The following STPG2 variants were observed in gnomAD, a reference collection of about 807,000 sequenced individuals.
STPG2 encodes the protein sperm tail PG-rich repeat containing 2, also known as sperm-tail PG-rich repeat-containing protein 2.
Under a neutral mutation model 54.2 loss-of-function variants are expected in STPG2, and 56 were observed. That is an observed-to-expected ratio of 1.03 (90% CI 0.83 to 1.29). STPG2 has a LOEUF of 1.29. STPG2 is among the 50% of genes most tolerant of loss of function. The pLI is 0.00. For missense variants in STPG2, 596 were observed against 544.9 expected, an observed-to-expected ratio of 1.09 and a Z score of -0.93; for synonymous variants, 200 against 181.8, an observed-to-expected ratio of 1.10 and a Z score of -0.81.
chr4:97,863,849 A>G (rs971408124), intron 8 of STPG2, among the ~76,000 whole-genome samples: 2 of 152,056 alleles, frequency 1.3e-5, no homozygotes, highest in African/African-American at 2.4e-5. Context: ...AAGACAAAAA[A>G]CACATGATTA....
intron 8 of STPG2, among the ~76,000 whole-genome samples, chr4:97,886,852 G>A (rs1358658042): frequency 3.3e-5 from 5 of 152,156 alleles, no homozygotes; most frequent in East Asian, 1.9e-4. Flanking sequence ...ACGCTTTAGC[G>A]CCATCCCCTC....
At chr4:97,948,398 G>T (rs912551695) in intron 7 of STPG2, among the ~76,000 whole-genome samples, 1 of 151,672 alleles carries the variant, frequency 6.6e-6, no homozygotes, top group African/African-American at 2.4e-5. Flanking sequence ...ATTTTGTATT[G>T]ATTTTTTGTT....
chr4:97,712,351 T>G (rs537449520), intron 10 of STPG2, among the ~76,000 whole-genome samples: 3 of 152,276 alleles, frequency 2.0e-5, no homozygotes, highest in Admixed American at 2.0e-4. Context: ...TTGTGAGCTC[T>G]CTGATAAATA....
intron 5 of STPG2, among the ~76,000 whole-genome samples, chr4:98,081,697 G>C (rs13121558): frequency 1.1e-3 from 161 of 152,044 alleles, no homozygotes; most frequent in African/African-American, 3.7e-3. Context: ...TTTGCCAGCA[G>C]GGCAAGATTC....
At chr4:97,566,124 G>A (rs1028760976) in intron 10 of STPG2, among the ~76,000 whole-genome samples, 2 of 152,172 alleles carry the variant, frequency 1.3e-5, no homozygotes, top group Non-Finnish European at 2.9e-5. Flanking sequence ...GTTTACCTAA[G>A]CAAGCCTGGG....
At chr4:97,750,734 T>C (rs190212163) in intron 9 of STPG2, among the ~76,000 whole-genome samples, 1 of 151,750 alleles carries the variant, frequency 6.6e-6, no homozygotes, top group Admixed American at 6.6e-5. Context: ...ATGTATTAAT[T>C]TGAAGAAATC....
Position 97,454,212 on chromosome 4 carries a change from C to T in STPG2, c.462+258487G>A, listed in dbSNP as rs538525302. On this transcript the variant is annotated intron_variant, in intron 4 of 4. Coordinates refer to the STPG2 transcript ENST00000522676. ...GCATTTAGTGTATAAGCTGGCATTT[C>T]AATCAACAGAAAAGGGATTCGCCGG... is the stretch of plus-strand genomic sequence containing the variant. Among the ~76,000 whole-genome samples, 3 of 152,122 alleles carry T rather than the reference C, an allele frequency of 2.0e-5. No homozygotes were observed. The East Asian group carries it at 5.8e-4, about 29-fold the overall frequency.
intron 4 of STPG2, among the ~76,000 whole-genome samples, chr4:97,544,262 G>A (rs1286236621): frequency 6.6e-6 from 1 of 152,050 alleles, no homozygotes; most frequent in Non-Finnish European, 1.5e-5. Context: ...AAAGTATACA[G>A]ACCAGATTCA....
intron 4 of STPG2, among the ~76,000 whole-genome samples, chr4:97,540,658 A>G (rs1035789764): frequency 4.6e-5 from 7 of 152,078 alleles, no homozygotes; most frequent in Non-Finnish European, 1.0e-4. Context: ...CCTGGCAGAG[A>G]CACAACAAAA....
intron 4 of STPG2, among the ~76,000 whole-genome samples, chr4:97,504,433 G>A (rs1730803119): frequency 6.6e-6 from 1 of 151,664 alleles, no homozygotes; most frequent in Non-Finnish European, 1.5e-5. Context: ...TTGTGGTAGG[G>A]AGAGAATGTG....
chr4:98,078,802 T>C (rs886834760), intron 5 of STPG2, among the ~76,000 whole-genome samples: 3 of 152,174 alleles, frequency 2.0e-5, no homozygotes, highest in Non-Finnish European at 2.9e-5. Context: ...TTCCCTTTCA[T>C]ATTAACCAAT....
At chr4:97,759,716 C>T (rs1725835182) in intron 9 of STPG2, among the ~76,000 whole-genome samples, 1 of 152,024 alleles carries the variant, frequency 6.6e-6, no homozygotes, top group African/African-American at 2.4e-5. Context: ...TTTAAGGTGG[C>T]CAGCAAAATA....
At chr4:97,938,740 C>T (rs991410264) in intron 8 of STPG2, among the ~76,000 whole-genome samples, 2 of 152,168 alleles carry the variant, frequency 1.3e-5, no homozygotes, top group South Asian at 2.1e-4. Flanking sequence ...TCAGGTGGGC[C>T]GACACACCAC....
chr4:97,464,171 C>T (rs1729734619), intron 4 of STPG2, among the ~76,000 whole-genome samples: 2 of 151,994 alleles, frequency 1.3e-5, no homozygotes, highest in South Asian at 4.1e-4. Context: ...CTACATTTAG[C>T]TCTGTAAAAA....
chr4:97,557,239 T>G (rs953237294), downstream of STPG2, among the ~76,000 whole-genome samples: 1 of 152,050 alleles, frequency 6.6e-6, no homozygotes, highest in Non-Finnish European at 1.5e-5. Flanking sequence ...AAAACGAAAT[T>G]GAATAAACTG....
intron 8 of STPG2, among the ~76,000 whole-genome samples, chr4:97,899,786 G>A (rs1216325886): frequency 1.3e-5 from 2 of 151,998 alleles, no homozygotes; most frequent in Non-Finnish European, 1.5e-5. Context: ...TATTGAAGCT[G>A]GACCCCTTCC....
chr4:97,655,687 T>C (rs924200736), intron 10 of STPG2, among the ~76,000 whole-genome samples: 3 of 152,116 alleles, frequency 2.0e-5, no homozygotes, highest in African/African-American at 7.2e-5. Flanking sequence ...CTGGCAGAAT[T>C]ATTTATTTCC....
intron 10 of STPG2, among the ~76,000 whole-genome samples, chr4:97,587,265 T>G (rs191864227): frequency 6.6e-6 from 1 of 151,980 alleles, no homozygotes; most frequent in African/African-American, 2.4e-5. Flanking sequence ...GTAATTATTA[T>G]GCAAAGCATT....
At chr4:97,614,524 C>A (rs1266166046) in intron 10 of STPG2, among the ~76,000 whole-genome samples, 1 of 152,092 alleles carries the variant, frequency 6.6e-6, no homozygotes, top group African/African-American at 2.4e-5. Flanking sequence ...TGTTATCAGT[C>A]TTTGGCCCTG....
Sources: gnomAD v4.1 joint callset for allele counts (sites outside exome capture counted in the v4.1 genomes callset) on GRCh38, gnomAD v4.1.1 for gene constraint, MANE v1.5 for transcripts, NCBI Gene and HGNC (gene_info 2026-07-23, HGNC 2026-07-21) for gene names.